The following CLOCK variants were observed in gnomAD, a reference collection of about 807,000 sequenced individuals.
CLOCK encodes the protein circadian locomoter output cycles protein kaput.
In CLOCK, 43 loss-of-function variants were observed where a neutral mutation model predicts 118.4. That is an observed-to-expected ratio of 0.36 (90% CI 0.28 to 0.47). The LOEUF (loss-of-function observed/expected upper bound fraction) is 0.47. Ranked by LOEUF, CLOCK falls within the 20% of genes least tolerant of loss-of-function variation. The probability of loss-of-function intolerance (pLI) is 1.00; values close to 1 mark genes in which losing one functional copy is unlikely to be tolerated. For synonymous variants in CLOCK, 326 were observed against 339.2 expected, an observed-to-expected ratio of 0.96 and a Z score of 0.43; for missense variants, 846 against 999.9, an observed-to-expected ratio of 0.85 and a Z score of 2.08.
At position 55,505,099 on chromosome 4, in the gene CLOCK, G is replaced by A. The variant is rs144439928; in HGVS notation, c.-136+4813C>T. Among the ~76,000 whole-genome samples the A allele has an allele frequency of 2.6e-5, 4 of 151,236 alleles. No individual in the cohort carries two copies. In the East Asian group the frequency reaches 7.9e-4, roughly 30 times the overall value. On this transcript the variant is annotated intron_variant, in intron 2 of 22. Transcript: ENST00000513440. ...TCAGAAGGCTGAGGCAGAGGTTGCA[G>A]TAAGCTGAGACAATGCCAGCCTAGG... is the stretch of plus-strand genomic sequence containing the variant.
At chr4:55,496,195 AAAAG>A (rs1353660787) in intron 2 of CLOCK, among the ~76,000 whole-genome samples, 1 of 152,166 alleles carries the variant, frequency 6.6e-6, no homozygotes, top group African/African-American at 2.4e-5. Flanking sequence ...TCTCAAAAAA[AAAAG>A]AAACAATCAA....
At chr4:55,523,165 T>C (rs1365951169) in intron 1 of CLOCK, among the ~76,000 whole-genome samples, 4 of 150,218 alleles carry the variant, frequency 2.7e-5, no homozygotes, top group Non-Finnish European at 5.9e-5. Flanking sequence ...CTAGGCATGG[T>C]GGTGGGCACC....
Position 55,443,715 on chromosome 4 carries a change from T to TGATAA in CLOCK, c.1873_1874insTTATC (p.Gln625LeufsTer18). ...AGTTGATGTACTCTGTAAAGTCTGT[T>TGATAA]GTTGTATCATGTGCTGAGTTGTGCC... On this transcript the variant is annotated frameshift_variant, in exon 20 of 23. Coordinates refer to ENST00000513440, the MANE Select transcript of CLOCK (RefSeq NM_004898.4). LOFTEE classifies it high-confidence loss of function. The TGATAA allele has an allele frequency of 1.2e-6, 2 of 1,614,114 alleles. No individual in the cohort carries two copies. Among genetic ancestry groups the TGATAA allele is most frequent in the Non-Finnish European group, 1.7e-6 (2 of 1,179,988 alleles).
chr4:55,449,862 ACATCAC>A (rs1577698825), intron 16 of CLOCK, among the ~76,000 whole-genome samples: 3 of 152,208 alleles, frequency 2.0e-5, no homozygotes, highest in East Asian at 3.8e-4. Flanking sequence ...ATGATTAAAA[ACATCAC>A]CATCACCATT....
At chr4:55,480,004 C>T (rs1024200687) in intron 4 of CLOCK, among the ~76,000 whole-genome samples, 6 of 152,066 alleles carry the variant, frequency 3.9e-5, no homozygotes, top group South Asian at 4.1e-4. Context: ...ACGGTAAAAA[C>T]GTATAGAAAG....
At chr4:55,477,842 AG>A (rs2109887705) in intron 6 of CLOCK, among the ~76,000 whole-genome samples, 1 of 152,154 alleles carries the variant, frequency 6.6e-6, no homozygotes, top group South Asian at 2.1e-4. Flanking sequence ...CAGTTAGAAA[AG>A]GGGAGGAGAA....
intron 1 of CLOCK, among the ~76,000 whole-genome samples, chr4:55,514,746 A>C (rs1200376349): frequency 6.6e-6 from 1 of 152,164 alleles, no homozygotes; most frequent in Non-Finnish European, 1.5e-5. Context: ...TGATCACAGC[A>C]TATAGTTCAT....
chr4:55,483,856 T>G (rs1263182751), intron 3 of CLOCK, among the ~76,000 whole-genome samples: 2 of 152,214 alleles, frequency 1.3e-5, no homozygotes, highest in African/African-American at 4.8e-5. Context: ...AAGTAAAACT[T>G]ACTGCTTTAA....
chr4:55,516,919 A>G (rs918961273), intron 1 of CLOCK, among the ~76,000 whole-genome samples: 33 of 152,274 alleles, frequency 2.2e-4, no homozygotes, highest in African/African-American at 7.9e-4. Flanking sequence ...CTACTTTCAA[A>G]TAACACTAAA....
In CLOCK at chr4:55,466,153, T is replaced by C. The variant is rs150363090; in HGVS notation, c.439-2348A>G. On this transcript the variant is annotated intron_variant, in intron 8 of 22. Coordinates refer to ENST00000513440, the MANE Select transcript of CLOCK (RefSeq NM_004898.4). ...ATGGGAGGGGCTGAGTGGGAGGTGA[T>C]TGAATCATGGGGGAAGTTACCTCCA... Among the ~76,000 whole-genome samples, 1,009 of 152,232 alleles carry C rather than the reference T, an allele frequency of 6.6e-3. 16 individuals are homozygous for C. The highest frequency in any genetic ancestry group is 0.022 in the African/African-American group (928 of 41,538).
intron 1 of CLOCK, among the ~76,000 whole-genome samples, chr4:55,544,031 G>T (rs1731450931): frequency 6.6e-6 from 1 of 152,104 alleles, no homozygotes. Context: ...TCACCAGGGG[G>T]AGTTTGAGGG....
At chr4:55,500,812 T>A (rs1313813886) in intron 2 of CLOCK, among the ~76,000 whole-genome samples, 6 of 152,214 alleles carry the variant, frequency 3.9e-5, no homozygotes, top group African/African-American at 1.4e-4. Context: ...GTGGTGAGTT[T>A]GTAAGCCGAT....
chr4:55,458,848 A>T lies in CLOCK; in HGVS notation c.792+44T>A, dbSNP rs370547523. On this transcript the variant is annotated intron_variant, in intron 11 of 22. Coordinates refer to ENST00000513440, the MANE Select transcript of CLOCK (RefSeq NM_004898.4). ...CAGGAAGTTTCAGGCAGCTCTCAGCATATGAACTGAAATCCCCTTTGGGAA... is the reference window on the plus strand; with the variant it reads ...CAGGAAGTTTCAGGCAGCTCTCAGCTTATGAACTGAAATCCCCTTTGGGAA... 23 of 1,375,212 alleles carry T rather than the reference A, an allele frequency of 1.7e-5. No homozygotes were observed. The South Asian group carries it at 2.7e-4, about 16-fold the overall frequency. The allele number at this position is 1,375,212 out of a possible 1,614,324, so 85.2% of individuals were successfully genotyped here. A position where few individuals can be genotyped will look rare whatever the true frequency, so the allele number is the denominator to read the frequency against.
At chr4:55,478,073 C>T (rs1355063970) in intron 6 of CLOCK, among the ~76,000 whole-genome samples, 1 of 151,964 alleles carries the variant, frequency 6.6e-6, no homozygotes, top group African/African-American at 2.4e-5. Flanking sequence ...AACAGAGGCA[C>T]TAATTACTAA....
intron 1 of CLOCK, among the ~76,000 whole-genome samples, chr4:55,526,389 G>C (rs1257621918): frequency 6.6e-6 from 1 of 152,170 alleles, no homozygotes; most frequent in Non-Finnish European, 1.5e-5. Context: ...TGAATTCACT[G>C]ATCAATCTTA....
In CLOCK at chr4:55,435,300, C is replaced by G. The variant is rs1430009910; in HGVS notation, c.*115G>C. The G allele has an allele frequency of 1.5e-5, 19 of 1,228,598 alleles. No homozygotes were observed. Among genetic ancestry groups the G allele is most frequent in the Non-Finnish European group, 2.1e-5 (18 of 840,770 alleles). 76.1% of individuals were successfully genotyped at this position (1,228,598 alleles called of 1,614,324 possible). A position where few individuals can be genotyped will look rare whatever the true frequency, so the allele number is the denominator to read the frequency against. ...AACTAATTCCAGGAACTAGAACACT[C>G]AATACTGCATCTCATGAAACTGCTG... is the stretch of plus-strand genomic sequence containing the variant. On this transcript the variant is annotated 3_prime_UTR_variant, in exon 23 of 23. Coordinates refer to ENST00000513440, the MANE Select transcript of CLOCK (RefSeq NM_004898.4).
intron 1 of CLOCK, among the ~76,000 whole-genome samples, chr4:55,536,523 C>G (rs989889077): frequency 2.0e-5 from 3 of 152,120 alleles, no homozygotes; most frequent in Non-Finnish European, 2.9e-5. Context: ...CCACCTTGCT[C>G]TCTTGCTCCC....
intron 3 of CLOCK, among the ~76,000 whole-genome samples, chr4:55,487,903 T>G (rs930018363): frequency 2.6e-5 from 4 of 152,212 alleles, no homozygotes; most frequent in Non-Finnish European, 5.9e-5. Context: ...CCATTCTCTC[T>G]GTCCTGTTAT....
At chr4:55,474,125 G>T (rs1274800785) in intron 7 of CLOCK, among the ~76,000 whole-genome samples, 1 of 152,138 alleles carries the variant, frequency 6.6e-6, no homozygotes, top group East Asian at 1.9e-4. Context: ...AACCAAACAA[G>T]TAGCAAAGTT....
Sources: allele counts gnomAD v4.1 joint callset (sites outside exome capture counted in the v4.1 genomes callset), GRCh38; gene constraint gnomAD v4.1.1; transcripts MANE v1.5; gene names NCBI Gene and HGNC (gene_info 2026-07-23, HGNC 2026-07-21).